Variants in FAM135A observed in about 807,000 individuals in gnomAD.
The protein encoded by FAM135A is family with sequence similarity 135 member A, also known as protein FAM135A.
FAM135A carries 79 observed loss-of-function variants against 146.8 expected under a neutral mutation model. That is an observed-to-expected ratio of 0.54 (90% CI 0.45 to 0.65). The LOEUF (loss-of-function observed/expected upper bound fraction) is 0.65. Ranked by LOEUF, FAM135A falls within the 30% of genes least tolerant of loss-of-function variation. FAM135A has a pLI of 0.00. For missense variants in FAM135A, 1,623 were observed against 1,758.2 expected (o/e 0.92, Z 1.38); for synonymous variants, 562 against 603.6 (o/e 0.93, Z 1.01).
intron 12 of FAM135A, among the ~76,000 whole-genome samples, chr6:70,509,349 C>T (rs1369127658): frequency 6.6e-6 from 1 of 152,156 alleles, no homozygotes; most frequent in East Asian, 1.9e-4. Context: ...TATTCTTTGA[C>T]TAACATCTCT....
intron 18 of FAM135A, 39 bp downstream of exon 18, chr6:70,533,893 C>T (rs1796293059): frequency 5.6e-6 from 6 of 1,076,778 alleles, no homozygotes; most frequent in Non-Finnish European, 7.7e-6. Flanking sequence ...TTTTATATTT[C>T]TATGAATTGT....
At chr6:70,466,991 G>A (rs1582331219) in intron 5 of FAM135A, among the ~76,000 whole-genome samples, 1 of 152,178 alleles carries the variant, frequency 6.6e-6, no homozygotes, top group East Asian at 1.9e-4. Context: ...CATTCCCTTT[G>A]CATCTCTTCT....
intron 20 of FAM135A, among the ~76,000 whole-genome samples, chr6:70,555,698 G>T (rs1346673082): frequency 6.6e-6 from 1 of 151,858 alleles, no homozygotes; most frequent in Non-Finnish European, 1.5e-5. Flanking sequence ...AGATATTAGT[G>T]TTAAATTGTG....
At chr6:70,509,979 A>G (rs1244639202) in intron 12 of FAM135A, among the ~76,000 whole-genome samples, 1 of 152,200 alleles carries the variant, frequency 6.6e-6, no homozygotes, top group Admixed American at 6.5e-5. Context: ...AAAAAGAAAT[A>G]CAATCTCAAA....
At chr6:70,496,159 G>A (rs1787195133) in intron 11 of FAM135A, among the ~76,000 whole-genome samples, 1 of 152,122 alleles carries the variant, frequency 6.6e-6, no homozygotes, top group Non-Finnish European at 1.5e-5. Flanking sequence ...ACCCAGTAAT[G>A]GAATTGCTGG....
intron 10 of FAM135A, among the ~76,000 whole-genome samples, chr6:70,487,042 C>T (rs181890341): frequency 2.3e-4 from 30 of 132,154 alleles, no homozygotes; most frequent in Admixed American, 2.1e-3. Context: ...AAGATCGTGC[C>T]ACTGCACTCC....
chr6:70,536,117 T>G, intron 18 of FAM135A, 143 bp from the exon 19 acceptor site: 1 of 679,894 alleles, frequency 1.5e-6, no homozygotes, highest in Non-Finnish European at 2.3e-6. Flanking sequence ...ATGTGGTATA[T>G]CATTTCAAAG....
chr6:70,461,633 C>G (rs1036926226), intron 5 of FAM135A, among the ~76,000 whole-genome samples: 1 of 151,842 alleles, frequency 6.6e-6, no homozygotes, highest in Non-Finnish European at 1.5e-5. Flanking sequence ...CTAGTATGAC[C>G]AAGAGCAAGA....
At chr6:70,545,779 T>C (rs1336192886) in intron 20 of FAM135A, among the ~76,000 whole-genome samples, 1 of 152,212 alleles carries the variant, frequency 6.6e-6, no homozygotes, top group Non-Finnish European at 1.5e-5. Flanking sequence ...AGGGTAGGAA[T>C]ATTGTCCCCA....
chr6:70,530,998 C>A (rs1189715123), intron 16 of FAM135A, among the ~76,000 whole-genome samples: 1 of 151,978 alleles, frequency 6.6e-6, no homozygotes. Context: ...GATAAGAAAA[C>A]AAAGTAGTCA....
intron 12 of FAM135A, among the ~76,000 whole-genome samples, chr6:70,512,440 T>G (rs1266310701): frequency 6.6e-6 from 1 of 151,864 alleles, no homozygotes; most frequent in African/African-American, 2.4e-5. Flanking sequence ...AAAATCATTT[T>G]TTTTTCCAAA....
chr6:70,528,264 A>G (rs764519935), intron 15 of FAM135A, 28 bp from the exon 16 acceptor site: 1 of 1,582,120 alleles, frequency 6.3e-7, no homozygotes, highest in South Asian at 1.2e-5. Flanking sequence ...GATCCTTAGT[A>G]AAGAGTATCT....
intron 5 of FAM135A, among the ~76,000 whole-genome samples, chr6:70,460,849 T>TC (rs988195694): frequency 1.5e-5 from 2 of 132,434 alleles, no homozygotes; most frequent in Non-Finnish European, 3.2e-5. Context: ...GATAGCTATC[T>TC]TTTTTTTTTT....
At chr6:70,542,355 T>C (rs1258652468) in intron 20 of FAM135A, among the ~76,000 whole-genome samples, 1 of 150,762 alleles carries the variant, frequency 6.6e-6, no homozygotes, top group Non-Finnish European at 1.5e-5. Context: ...TCATGTGTTT[T>C]TGTATCATGT....
Position 70,536,269 on chromosome 6 carries a change from A to ACATT in FAM135A, c.3977_3980dup (p.Leu1328PhefsTer17). ...TTTTTTCCTCTTAAAGCTTTATTGG[A>ACATT]CATTCGTTGGGCAATTTAATAATTC... On this transcript the variant is annotated frameshift_variant, in exon 19 of 22. Transcript: ENST00000418814. LOFTEE classifies it high-confidence loss of function. 1 of 1,604,994 alleles carries ACATT rather than the reference A, an allele frequency of 6.2e-7. No homozygotes were observed. The highest frequency in any genetic ancestry group is 1.1e-5 in the South Asian group (1 of 88,518).
At chr6:70,542,003 T>C (rs1429821982) in intron 20 of FAM135A, among the ~76,000 whole-genome samples, 1 of 152,198 alleles carries the variant, frequency 6.6e-6, no homozygotes, top group Admixed American at 6.5e-5. Context: ...ATTTAAATTA[T>C]TGTTCAAACT....
chr6:70,499,951 G>A (rs1788113358), intron 11 of FAM135A, among the ~76,000 whole-genome samples: 1 of 152,032 alleles, frequency 6.6e-6, no homozygotes, highest in South Asian at 2.1e-4. Flanking sequence ...AAGATTATGT[G>A]TTCTTGGGGT....
Position 70,533,833 on chromosome 6 carries a change from G to A in FAM135A, c.3944G>A (p.Ser1315Asn). 1 of 1,518,522 alleles carries A rather than the reference G, an allele frequency of 6.6e-7. No homozygotes were observed. Among genetic ancestry groups the A allele is most frequent in the Non-Finnish European group, 8.9e-7 (1 of 1,128,820 alleles). 94.1% of individuals were successfully genotyped at this position (1,518,522 alleles called of 1,614,324 possible). A position where few individuals can be genotyped will look rare whatever the true frequency, so the allele number is the denominator to read the frequency against. The change falls in exon 18 of 22, where the codon AGT becomes AAT. Residue 1315 changes from serine (S) to asparagine (N), a missense_variant. This residue lies in a region of FAM135A where 1,061 missense variants were observed against 1,113.8 expected (regional missense o/e 0.95). Coordinates refer to ENST00000418814, the MANE Select transcript of FAM135A (RefSeq NM_001162529.3). The stretch of plus-strand genomic sequence containing the variant: ...ATAATACAGTATATTCAGATATATA[G>A]TCTAACAGTCTCAAAAATAAGGTAT... ...DEIIQYIQIYSLTVSKISFIG... is the reference protein window; with the variant it reads ...DEIIQYIQIYNLTVSKISFIG...
At chr6:70,515,305 C>G (rs766671101) in intron 12 of FAM135A, among the ~76,000 whole-genome samples, 10 of 152,186 alleles carry the variant, frequency 6.6e-5, no homozygotes, top group Non-Finnish European at 1.5e-4. Context: ...ACACAAAAAC[C>G]TCCACATATA....
Sources: gnomAD v4.1 joint callset for allele counts (sites outside exome capture counted in the v4.1 genomes callset) on GRCh38, gnomAD v4.1.1 for gene constraint, gnomAD v4.1.1 regional missense constraint, MANE v1.5 for transcripts, NCBI Gene and HGNC (gene_info 2026-07-23, HGNC 2026-07-21) for gene names.